MEI4: variants seen among roughly 807,000 people sequenced by gnomAD.
MEI4 encodes meiotic double-stranded break formation protein 4.
MEI4 carries 27 observed loss-of-function variants against 31.4 expected under a neutral mutation model. The observed-to-expected ratio is 0.86, with a 90% CI of 0.63 to 1.19. MEI4 has a LOEUF of 1.19. MEI4 is among the 50% of genes most tolerant of loss of function. The probability of loss-of-function intolerance (pLI) is 0.00; values close to 1 mark genes in which losing one functional copy is unlikely to be tolerated. For missense variants in MEI4, 329 were observed against 398.9 expected, an observed-to-expected ratio of 0.82 and a Z score of 1.49; for synonymous variants, 122 against 145.4, an observed-to-expected ratio of 0.84 and a Z score of 1.16.
chr6:77,799,153 T>A (rs1202982555), intron 3 of MEI4, among the ~76,000 whole-genome samples: 1 of 152,042 alleles, frequency 6.6e-6, no homozygotes, highest in Non-Finnish European at 1.5e-5. Context: ...CTCCAGCACC[T>A]GTTGTTTCCT....
chr6:77,802,209 C>T (rs903940787), intron 3 of MEI4, among the ~76,000 whole-genome samples: 2 of 152,172 alleles, frequency 1.3e-5, no homozygotes, highest in African/African-American at 4.8e-5. Context: ...GAATTGATCC[C>T]TTTACCCTTA....
chr6:77,764,284 A>T (rs1277913574), intron 3 of MEI4, among the ~76,000 whole-genome samples: 3 of 152,122 alleles, frequency 2.0e-5, no homozygotes, highest in Non-Finnish European at 4.4e-5. Context: ...TTCCCTTATG[A>T]TCCATTTTAT....
intron 2 of MEI4, among the ~76,000 whole-genome samples, chr6:77,758,536 C>A (rs1193455690): frequency 6.6e-6 from 1 of 152,154 alleles, no homozygotes; most frequent in Non-Finnish European, 1.5e-5. Flanking sequence ...ACCACTGTCC[C>A]CCTTTCTCAA....
At chr6:77,868,272 A>T (rs1771101264) in intron 4 of MEI4, among the ~76,000 whole-genome samples, 1 of 151,278 alleles carries the variant, frequency 6.6e-6, no homozygotes, top group African/African-American at 2.4e-5. Context: ...AAGAAAGATA[A>T]GGAATTGATG....
intron 4 of MEI4, among the ~76,000 whole-genome samples, chr6:77,837,430 A>C (rs9361296): frequency 0.36 from 55,328 of 151,938 alleles, 10,586 homozygotes; most frequent in African/African-American, 0.49. Context: ...TCCTCAACAA[A>C]TAGACTGCAT....
intron 3 of MEI4, among the ~76,000 whole-genome samples, chr6:77,814,448 C>T (rs1316531659): frequency 3.9e-5 from 6 of 152,094 alleles, no homozygotes; most frequent in Non-Finnish European, 8.8e-5. Flanking sequence ...TGTTTGGGAA[C>T]ACCATGGGCC....
At chr6:77,729,352 A>G (rs1766912660) in intron 2 of MEI4, among the ~76,000 whole-genome samples, 1 of 152,254 alleles carries the variant, frequency 6.6e-6, no homozygotes. Flanking sequence ...AACGTTAGGC[A>G]TAAATGGGTT....
In MEI4 at chr6:77,704,442, A is replaced by G. The variant is rs188669178; in HGVS notation, c.232+13539A>G. ...ATAAGTTATCTAAAAGGTTAAATAT[A>G]TAGTAAATGGAATGGGGTTCCTATA... On this transcript the variant is annotated intron_variant, in intron 2 of 4. Coordinates refer to ENST00000684080, the MANE Select transcript of MEI4 (RefSeq NM_001322247.2). 4.7e-3 allele frequency among the ~76,000 whole-genome samples: 710 copies of G among 152,334 alleles called. 2 individuals are homozygous for G. Among genetic ancestry groups the G allele is most frequent in the Middle Eastern group, 0.017 (5 of 294 alleles).
At chr6:77,740,465 A>G (rs192658607) in intron 2 of MEI4, among the ~76,000 whole-genome samples, 6 of 152,324 alleles carry the variant, frequency 3.9e-5, no homozygotes, top group African/African-American at 1.4e-4. Context: ...ACCATTTCTC[A>G]AAAATGCTTT....
intron 2 of MEI4, among the ~76,000 whole-genome samples, chr6:77,739,729 TA>T (rs571704986): frequency 4.3e-4 from 63 of 147,622 alleles, no homozygotes; most frequent in South Asian, 1.7e-3. Context: ...AACTTAGAAT[TA>T]AAAAAAAAAA....
At chr6:77,807,787 TG>T (rs2127703628) in intron 3 of MEI4, among the ~76,000 whole-genome samples, 2 of 152,286 alleles carry the variant, frequency 1.3e-5, no homozygotes, top group South Asian at 4.1e-4. Context: ...AGAAGTATTA[TG>T]GTCATGCATT....
rs550801935 is a variant in MEI4 at position 77,892,224 on chromosome 6, T to C, written c.901-30865T>C. 7.2e-5 allele frequency among the ~76,000 whole-genome samples: 11 copies of C among 152,284 alleles called. No individual in the cohort carries two copies. The South Asian group carries it at 2.1e-3, about 29-fold the overall frequency. On this transcript the variant is annotated intron_variant, in intron 4 of 4. Transcript: ENST00000684080. ...CACCCCCTACTCCCCATGATGGTGCTTGCATGTCATTGCCAGCAGCAGTGG... is the reference window on the plus strand; with the variant it reads ...CACCCCCTACTCCCCATGATGGTGCCTGCATGTCATTGCCAGCAGCAGTGG...
intron 3 of MEI4, among the ~76,000 whole-genome samples, chr6:77,773,219 G>A (rs1265705558): frequency 1.3e-5 from 2 of 151,890 alleles, no homozygotes; most frequent in Non-Finnish European, 2.9e-5. Flanking sequence ...AACCACAAAA[G>A]ACCCAGAATA....
chr6:77,772,425 A>G (rs1768340683), intron 3 of MEI4, among the ~76,000 whole-genome samples: 1 of 152,074 alleles, frequency 6.6e-6, no homozygotes, highest in African/African-American at 2.4e-5. Flanking sequence ...ACACAAATCA[A>G]TCAATGTGAT....
At chr6:77,874,503 G>A (rs1210327016) in intron 4 of MEI4, among the ~76,000 whole-genome samples, 1 of 152,106 alleles carries the variant, frequency 6.6e-6, no homozygotes, top group Admixed American at 6.5e-5. Flanking sequence ...AGGAGATTTT[G>A]GGCTGAGACA....
In MEI4 at chr6:77,923,489, T is replaced by A. The variant is rs773271582; in HGVS notation, c.*143T>A. On this transcript the variant is annotated 3_prime_UTR_variant, in exon 5 of 5. Transcript: ENST00000684080. Reference sequence around the variant, plus strand: ...TATAATTATCAATTCAACTTAATGGTTAGTCTTAAATTGTATGAAATTTTA... The same window carrying A: ...TATAATTATCAATTCAACTTAATGGATAGTCTTAAATTGTATGAAATTTTA... The A allele has an allele frequency of 1.9e-4, 136 of 728,936 alleles. No homozygotes were observed. The highest frequency in any genetic ancestry group is 2.5e-4 in the Non-Finnish European group (133 of 532,960). The allele number at this position is 728,936 out of a possible 1,614,324, so 45.2% of individuals were successfully genotyped here.
intron 3 of MEI4, among the ~76,000 whole-genome samples, chr6:77,788,404 A>G (rs1233661656): frequency 1.3e-5 from 2 of 151,920 alleles, no homozygotes; most frequent in Admixed American, 6.6e-5. Flanking sequence ...TCTGGCCAGG[A>G]CAATCAGGCA....
At chr6:77,866,454 C>T (rs980279613) in intron 4 of MEI4, among the ~76,000 whole-genome samples, 2 of 151,990 alleles carry the variant, frequency 1.3e-5, no homozygotes, top group African/African-American at 4.8e-5. Context: ...ACAGCCGAAT[C>T]ATGAGTGAAC....
intron 2 of MEI4, among the ~76,000 whole-genome samples, chr6:77,710,025 G>C (rs998088039): frequency 2.0e-5 from 3 of 152,140 alleles, no homozygotes; most frequent in Non-Finnish European, 4.4e-5. Context: ...GATACAGTGG[G>C]GGCTGGACCT....
Sources: gnomAD v4.1 joint callset for allele counts (sites outside exome capture counted in the v4.1 genomes callset) on GRCh38, gnomAD v4.1.1 for gene constraint, MANE v1.5 for transcripts, NCBI Gene and HGNC (gene_info 2026-07-23, HGNC 2026-07-21) for gene names.